Variants in SPATA3 observed in about 807,000 individuals in gnomAD.
SPATA3 encodes the protein spermatogenesis-associated protein 3.
Under a neutral mutation model 5.7 loss-of-function variants are expected in SPATA3, and 6 were observed. The ratio of observed to expected loss-of-function variants is 1.06; its 90% CI spans 0.58 to 2.09. SPATA3 has a LOEUF of 2.09. Among genes scored for constraint, SPATA3 ranks in the 30% most tolerant of loss-of-function variants. The pLI is 0.00. For synonymous variants in SPATA3, 44 were observed against 48.4 expected (o/e 0.91, Z 0.37); for missense variants, 155 against 130.4 (o/e 1.19, Z -0.92).
In SPATA3 at chr2:231,017,413, C is replaced by T. The variant is rs370518445; in HGVS notation, c.*566-2307C>T. 7.2e-5 allele frequency among the ~76,000 whole-genome samples: 11 copies of T among 152,350 alleles called. No individual in the cohort carries two copies. The East Asian group carries it at 2.1e-3, about 29-fold the overall frequency. Reference sequence around the variant, plus strand: ...ACTTTGTCTACATCCGGAGAGAGTGCCCACAAGCCTGTGAATTTCCCAGCA... The same window carrying T: ...ACTTTGTCTACATCCGGAGAGAGTGTCCACAAGCCTGTGAATTTCCCAGCA... On this transcript the variant is annotated intron_variant, in intron 6 of 8. Transcript: ENST00000452881.
At chr2:231,017,401 C>T (rs1449080001) in intron 6 of SPATA3, among the ~76,000 whole-genome samples, 1 of 152,184 alleles carries the variant, frequency 6.6e-6, no homozygotes, top group Non-Finnish European at 1.5e-5. Context: ...TTGTCTACAT[C>T]CGGAGAGAGT....
At chr2:230,996,138 A>T in intron 1 of SPATA3, 1 of 1,349,546 alleles carries the variant, frequency 7.4e-7, no homozygotes, top group Non-Finnish European at 9.9e-7. Flanking sequence ...GGCCCAAGCC[A>T]GGCTCCTAGG....
downstream of SPATA3, among the ~76,000 whole-genome samples, chr2:231,008,105 T>C (rs1692689109): frequency 6.6e-6 from 1 of 152,210 alleles, no homozygotes. Flanking sequence ...AGCTGAAGCC[T>C]GATCCTGCTG....
chr2:231,005,482 C>T (rs1344843765), downstream of SPATA3, among the ~76,000 whole-genome samples: 2 of 127,906 alleles, frequency 1.6e-5, no homozygotes, highest in Admixed American at 7.8e-5. Context: ...TCATCACCAC[C>T]ACCACCATCA....
intron 6 of SPATA3, among the ~76,000 whole-genome samples, chr2:231,016,026 G>A (rs1190687603): frequency 1.3e-5 from 2 of 152,204 alleles, no homozygotes; most frequent in Non-Finnish European, 2.9e-5. Context: ...TTGGGCATGG[G>A]CAGGCGTGAA....
downstream of SPATA3, among the ~76,000 whole-genome samples, chr2:231,006,284 A>G (rs1692621756): frequency 6.6e-6 from 1 of 151,600 alleles, no homozygotes. Flanking sequence ...GGCAGATCAC[A>G]AGGTCAGGAG....
Position 231,015,157 on chromosome 2 carries a change from G to T in SPATA3, c.*565+945G>T, listed in dbSNP as rs575705328. Among the ~76,000 whole-genome samples, 4 of 151,506 alleles carry T rather than the reference G, an allele frequency of 2.6e-5. No homozygotes were observed. The South Asian group carries it at 8.4e-4, about 32-fold the overall frequency. On this transcript the variant is annotated intron_variant, in intron 6 of 8. Transcript: ENST00000452881. The stretch of plus-strand genomic sequence containing the variant: ...AGAGGGAGCACCAGCAAACCCTACA[G>T]AGTCCCAACTAAGGTGCGAAGGATG...
chr2:231,001,286 T>C (rs554523587), intron 2 of SPATA3, among the ~76,000 whole-genome samples: 116 of 152,272 alleles, frequency 7.6e-4, no homozygotes, highest in Non-Finnish European at 1.4e-3. Context: ...GTTACATGCA[T>C]GGGCTGGGAG....
chr2:231,017,047 G>A (rs188109740), intron 6 of SPATA3, among the ~76,000 whole-genome samples: 71 of 152,188 alleles, frequency 4.7e-4, no homozygotes, highest in African/African-American at 1.7e-3. Flanking sequence ...GCTGCATGGC[G>A]TTGCATCATA....
chr2:231,013,123 C>T (rs1050923396), intron 5 of SPATA3, among the ~76,000 whole-genome samples: 2 of 152,104 alleles, frequency 1.3e-5, no homozygotes, highest in Non-Finnish European at 2.9e-5. Flanking sequence ...TCAGACTTAC[C>T]CCTTCTCCTC....
intron 6 of SPATA3, among the ~76,000 whole-genome samples, chr2:231,014,741 G>C (rs192579829): frequency 6.6e-6 from 1 of 152,290 alleles, no homozygotes; most frequent in East Asian, 1.9e-4. Context: ...GGAGGACTGT[G>C]TGTTTGTAGA....
chr2:231,002,797 T>G (rs1692403398), downstream of SPATA3: 1 of 1,475,730 alleles, frequency 6.8e-7, no homozygotes, highest in African/African-American at 1.4e-5. Context: ...TGAATCCTTG[T>G]GAACAAGCCC....
chr2:231,011,072 C>CAAAAAAAAA (rs556496371), downstream of SPATA3, among the ~76,000 whole-genome samples: 26 of 79,824 alleles, frequency 3.3e-4, 1 homozygote, highest in African/African-American at 6.5e-4. Context: ...GACCCTGTCT[C>CAAAAAAAAA]AAAAAAAAAA....
chr2:231,005,439 T>TCACCACCATCACCACCACCACCACCAC (rs1692568971), downstream of SPATA3, among the ~76,000 whole-genome samples: 1 of 6,176 alleles, frequency 1.6e-4, no homozygotes, highest in Admixed American at 1.5e-3. Flanking sequence ...ACCACCACAA[T>TCACCACCATCACCACCACCACCACCAC]CACCACCATC....
At chr2:231,006,363 C>A (rs1171596751), downstream of SPATA3, among the ~76,000 whole-genome samples, 3 of 151,348 alleles carry the variant, frequency 2.0e-5, no homozygotes, top group African/African-American at 4.9e-5. Flanking sequence ...AATAGCCGGG[C>A]GTGGTGGCGG....
intron 1 of SPATA3, among the ~76,000 whole-genome samples, chr2:230,998,687 C>T (rs1351194851): frequency 6.6e-6 from 1 of 152,202 alleles, no homozygotes; most frequent in Non-Finnish European, 1.5e-5. Context: ...AAATGCCAGT[C>T]TTCCACTAGG....
Position 231,002,680 on chromosome 2 carries a change from A to T in SPATA3, c.963-4A>T. 1.3e-6 allele frequency: 2 copies of T among 1,502,172 alleles called. No individual in the cohort carries two copies. Among genetic ancestry groups the T allele is most frequent in the Non-Finnish European group, 1.8e-6 (2 of 1,121,516 alleles). The allele number at this position is 1,502,172 out of a possible 1,614,324, so 93.1% of individuals were successfully genotyped here. A position where few individuals can be genotyped will look rare whatever the true frequency, so the allele number is the denominator to read the frequency against. On this transcript the variant is annotated splice_region_variant and splice_polypyrimidine_tract_variant and intron_variant, in intron 2 of 2. Coordinates refer to ENST00000645363, the Ensembl canonical transcript of SPATA3. ...ACCACCCCCACTTCTGCTTTGCTCT[A>T]CAGAAAATCTTCAAGAAAACCCTCC...
chr2:231,009,663 T>G (rs900304037), downstream of SPATA3, among the ~76,000 whole-genome samples: 2 of 152,244 alleles, frequency 1.3e-5, no homozygotes, highest in Admixed American at 6.5e-5. Flanking sequence ...AAACTGCACA[T>G]GCTAAACGAC....
intron 6 of SPATA3, among the ~76,000 whole-genome samples, chr2:231,015,353 AT>A (rs1339235629): frequency 7.4e-6 from 1 of 134,266 alleles, no homozygotes; most frequent in East Asian, 2.2e-4. Context: ...AAGTGCTGGG[AT>A]TTCAGGTGTG....
Sources: allele counts gnomAD v4.1 joint callset (sites outside exome capture counted in the v4.1 genomes callset), GRCh38; gene constraint gnomAD v4.1.1; transcripts MANE v1.5; gene names NCBI Gene and HGNC (gene_info 2026-07-23, HGNC 2026-07-21).